Variants in GPM6A observed in about 807,000 individuals in gnomAD.
GPM6A encodes neuronal membrane glycoprotein M6-a.
A neutral mutation model predicts 32.1 loss-of-function variants in GPM6A; 7 were observed. The observed-to-expected ratio is 0.22, with a 90% CI of 0.12 to 0.41. The LOEUF (loss-of-function observed/expected upper bound fraction) is 0.41, where lower values mean the gene tolerates loss of function less well. Among genes scored for constraint, GPM6A ranks in the 10% least tolerant of loss-of-function variants. The pLI is 1.00. For synonymous variants in GPM6A, 130 were observed against 123.4 expected, an observed-to-expected ratio of 1.05 and a Z score of -0.35; for missense variants, 235 against 347.2, an observed-to-expected ratio of 0.68 and a Z score of 2.57.
intron 1 of GPM6A, among the ~76,000 whole-genome samples, chr4:175,980,119 G>T (rs1740777661): frequency 1.3e-5 from 2 of 152,128 alleles, no homozygotes; most frequent in Non-Finnish European, 2.9e-5. Flanking sequence ...CAGCAGTTTG[G>T]GGGGCTCAGG....
intron 2 of GPM6A, among the ~76,000 whole-genome samples, chr4:175,682,913 A>AGAGT (rs1398296701): frequency 2.0e-5 from 3 of 152,186 alleles, no homozygotes; most frequent in African/African-American, 7.2e-5. Flanking sequence ...AAGCAGAAAA[A>AGAGT]GAGTTTGGAG....
At chr4:175,954,368 T>A (rs1057233639) in intron 1 of GPM6A, among the ~76,000 whole-genome samples, 3 of 152,178 alleles carry the variant, frequency 2.0e-5, no homozygotes, top group Non-Finnish European at 4.4e-5. Context: ...CTAGGTTGTA[T>A]CAGTGCGAAA....
At chr4:175,721,796 T>C (rs1403801242) in intron 1 of GPM6A, among the ~76,000 whole-genome samples, 1 of 152,158 alleles carries the variant, frequency 6.6e-6, no homozygotes, top group African/African-American at 2.4e-5. Context: ...TTTAGATAAT[T>C]GAAAAGATTA....
rs111732464 is a variant in GPM6A at position 175,640,553 on chromosome 4, A to T, written c.618+200T>A. ...AGTTTCCAGAAAATTTGAAATAGTT[A>T]TTATAATTTTTATTGAAATATGCAG... On this transcript the variant is annotated intron_variant, in intron 5 of 6. Coordinates refer to ENST00000393658, the MANE Select transcript of GPM6A (RefSeq NM_201591.3). 9.6e-3 allele frequency among the ~76,000 whole-genome samples: 1,469 copies of T among 152,312 alleles called. 26 individuals carry two copies. The highest frequency in any genetic ancestry group is 0.034 in the African/African-American group (1,400 of 41,576).
chr4:175,952,762 C>T (rs34080115), intron 1 of GPM6A, among the ~76,000 whole-genome samples: 77,884 of 151,894 alleles, frequency 0.51, 22,814 homozygotes, highest in Admixed American at 0.63. Context: ...AGCAGAAATC[C>T]GGTGGGGGCA....
intron 3 of GPM6A, among the ~76,000 whole-genome samples, chr4:175,660,368 A>G (rs1358951894): frequency 6.6e-6 from 1 of 151,766 alleles, no homozygotes; most frequent in African/African-American, 2.4e-5. Context: ...TGGGTGAGAG[A>G]GCAAGACTCC....
At chr4:175,685,125 G>A (rs771613131) in intron 2 of GPM6A, among the ~76,000 whole-genome samples, 12 of 152,170 alleles carry the variant, frequency 7.9e-5, no homozygotes, top group East Asian at 1.9e-4. Context: ...TCCTGACCTC[G>A]TGATCCACCT....
chr4:175,980,900 CAT>C (rs1385648369), intron 1 of GPM6A, among the ~76,000 whole-genome samples: 5 of 152,092 alleles, frequency 3.3e-5, no homozygotes, highest in African/African-American at 9.7e-5. Flanking sequence ...ATAAGTGAAA[CAT>C]ATTATCTCAT....
At chr4:175,821,740 T>A (rs1229785669) in intron 1 of GPM6A, among the ~76,000 whole-genome samples, 2 of 151,978 alleles carry the variant, frequency 1.3e-5, no homozygotes, top group African/African-American at 4.8e-5. Context: ...CTCTCAAGAC[T>A]TTTTTTGACT....
chr4:175,738,997 C>T (rs1328852742), intron 1 of GPM6A, among the ~76,000 whole-genome samples: 1 of 152,058 alleles, frequency 6.6e-6, no homozygotes, highest in Non-Finnish European at 1.5e-5. Flanking sequence ...CATTTAAGTA[C>T]AAAACTGACA....
intron 1 of GPM6A, among the ~76,000 whole-genome samples, chr4:175,766,585 T>C (rs1433512156): frequency 6.6e-6 from 1 of 152,172 alleles, no homozygotes; most frequent in African/African-American, 2.4e-5. Flanking sequence ...ATACCTATCA[T>C]TGATGCAGTG....
chr4:175,836,190 T>C (rs1290607470), intron 1 of GPM6A, among the ~76,000 whole-genome samples: 1 of 152,188 alleles, frequency 6.6e-6, no homozygotes, highest in Admixed American at 6.6e-5. Context: ...ATTCCCTCTG[T>C]GTTTCTAATC....
intron 1 of GPM6A, among the ~76,000 whole-genome samples, chr4:175,857,120 T>A (rs1404928982): frequency 6.6e-6 from 1 of 152,196 alleles, no homozygotes; most frequent in African/African-American, 2.4e-5. Flanking sequence ...CTCTGTACTA[T>A]CTTCTCAATT....
At chr4:175,991,201 G>T (rs1579691964) in intron 1 of GPM6A, among the ~76,000 whole-genome samples, 2 of 149,576 alleles carry the variant, frequency 1.3e-5, no homozygotes, top group African/African-American at 2.5e-5. Flanking sequence ...AAGTAGCTGG[G>T]ATTACAGGTG....
chr4:175,719,273 A>G (rs1023751369), intron 1 of GPM6A, among the ~76,000 whole-genome samples: 11 of 151,122 alleles, frequency 7.3e-5, no homozygotes, highest in Non-Finnish European at 1.3e-4. Flanking sequence ...ATCTCAGTTC[A>G]CTGCAACCTC....
At chr4:175,940,519 A>G (rs1739372453) in intron 1 of GPM6A, among the ~76,000 whole-genome samples, 1 of 152,146 alleles carries the variant, frequency 6.6e-6, no homozygotes, top group Non-Finnish European at 1.5e-5. Context: ...AAATTTGTTG[A>G]TATTTCATTT....
At chr4:175,837,222 G>A (rs910406648) in intron 1 of GPM6A, among the ~76,000 whole-genome samples, 1 of 152,160 alleles carries the variant, frequency 6.6e-6, no homozygotes, top group African/African-American at 2.4e-5. Context: ...CCTCTAGAAA[G>A]TGGAGAAGGC....
intron 1 of GPM6A, among the ~76,000 whole-genome samples, chr4:175,712,311 C>T (rs1560890678): frequency 1.3e-5 from 2 of 152,206 alleles, no homozygotes; most frequent in Non-Finnish European, 1.5e-5. Context: ...CCCCCACTAC[C>T]TCCTGCTGCC....
intron 1 of GPM6A, among the ~76,000 whole-genome samples, chr4:175,704,742 C>T (rs1745080122): frequency 6.6e-6 from 1 of 152,100 alleles, no homozygotes; most frequent in Admixed American, 6.5e-5. Context: ...ATTTCTACTG[C>T]AGACAATCAG....
Sources: gnomAD v4.1 joint callset for allele counts (sites outside exome capture counted in the v4.1 genomes callset) on GRCh38, gnomAD v4.1.1 for gene constraint, MANE v1.5 for transcripts, NCBI Gene and HGNC (gene_info 2026-07-23, HGNC 2026-07-21) for gene names.